The following VPS13A variants were observed in gnomAD, a reference collection of about 807,000 sequenced individuals.
The protein encoded by VPS13A is intermembrane lipid transfer protein VPS13A.
VPS13A carries 264 observed loss-of-function variants against 390.9 expected under a neutral mutation model. The observed-to-expected ratio is 0.68, with a 90% CI of 0.61 to 0.75. The LOEUF is 0.75. Among genes scored for constraint, VPS13A ranks in the 30% least tolerant of loss-of-function variants. The probability of loss-of-function intolerance (pLI) is 0.00; values close to 1 mark genes in which losing one functional copy is unlikely to be tolerated. For synonymous variants in VPS13A, 1,231 were observed against 1,227.1 expected (o/e 1.00, Z -0.07); for missense variants, 3,409 against 3,733.9 (o/e 0.91, Z 2.27).
intron 23 of VPS13A, among the ~76,000 whole-genome samples, chr9:77,267,412 C>G (rs1404580618): frequency 6.6e-6 from 1 of 152,194 alleles, no homozygotes; most frequent in Non-Finnish European, 1.5e-5. Context: ...TTCCTTCTAA[C>G]AGTCAGACCC....
intron 56 of VPS13A, among the ~76,000 whole-genome samples, chr9:77,358,153 AC>A (rs1430315002): frequency 6.6e-6 from 1 of 151,558 alleles, no homozygotes; most frequent in Admixed American, 6.6e-5. Context: ...ACGGGGTTTC[AC>A]CATGTGGGCC....
At chr9:77,347,214 C>A (rs879247408) in intron 52 of VPS13A, among the ~76,000 whole-genome samples, 1 of 151,888 alleles carries the variant, frequency 6.6e-6, no homozygotes, top group African/African-American at 2.4e-5. Flanking sequence ...TTTTCTAGTT[C>A]TGTGAAGAAT....
At chr9:77,359,982 C>T (rs975661269) in intron 58 of VPS13A, among the ~76,000 whole-genome samples, 1 of 151,894 alleles carries the variant, frequency 6.6e-6, no homozygotes, top group Non-Finnish European at 1.5e-5. Flanking sequence ...ATAATATTTT[C>T]GTCTTCACTC....
rs1281947232 is a variant in VPS13A, at chr9:77,352,870, A to T, written c.7420-539A>T. Reference sequence around the variant, plus strand: ...TTAATGGCTGAATATTAATTATGAGAATTTGCTATGTTTATCTTGTCATTG... The same window carrying T: ...TTAATGGCTGAATATTAATTATGAGTATTTGCTATGTTTATCTTGTCATTG... On this transcript the variant is annotated intron_variant, in intron 53 of 71. Transcript: ENST00000360280. Among the ~76,000 whole-genome samples the T allele has an allele frequency of 3.3e-5, 5 of 152,216 alleles. No individual in the cohort carries two copies. The South Asian group carries it at 8.3e-4, about 25-fold the overall frequency.
intron 48 of VPS13A, 81 bp from the exon 49 acceptor site, chr9:77,340,097 G>A (rs1830733443): frequency 7.0e-7 from 1 of 1,422,688 alleles, no homozygotes; most frequent in Non-Finnish European, 9.9e-7. Context: ...TTTTGTTTAT[G>A]CTAAAAAGTA....
At chr9:77,385,493 A>G (rs750702487) in intron 68 of VPS13A, among the ~76,000 whole-genome samples, 8 of 152,012 alleles carry the variant, frequency 5.3e-5, no homozygotes, top group Non-Finnish European at 1.2e-4. Context: ...ACATAACTAT[A>G]TATATTTTTT....
chr9:77,406,028 AAAT>A (rs1269967497), intron 70 of VPS13A, 41 bp downstream of exon 70: 8 of 1,610,312 alleles, frequency 5.0e-6, no homozygotes, highest in African/African-American at 1.3e-5. Flanking sequence ...TTGGAACTGA[AAAT>A]AATGCTTTGA....
intron 34 of VPS13A, among the ~76,000 whole-genome samples, chr9:77,304,973 C>T (rs1355877411): frequency 6.7e-6 from 1 of 148,568 alleles, no homozygotes; most frequent in Non-Finnish European, 1.5e-5. Context: ...GAGTCTCGCT[C>T]TGTTGCCCAG....
intron 19 of VPS13A, among the ~76,000 whole-genome samples, chr9:77,242,509 C>A (rs1824560460): frequency 6.6e-6 from 1 of 151,920 alleles, no homozygotes; most frequent in South Asian, 2.1e-4. Context: ...TACATGAATA[C>A]CTTACCTCTA....
At position 77,340,188 on chromosome 9, in the gene VPS13A, T is replaced by C. The variant is rs763311249; in HGVS notation, c.6785T>C (p.Met2262Thr). 1.1e-5 allele frequency: 18 copies of C among 1,613,180 alleles called. No homozygotes were observed. The highest frequency in any genetic ancestry group is 6.6e-5 in the South Asian group (6 of 91,032). The change falls in exon 49 of 72, where the codon ATG (methionine) becomes ACG (threonine). Residue 2262 changes from methionine to threonine, a missense_variant. Physicochemically the swap from Met to Thr is moderately conservative, Grantham distance 81 (BLOSUM62 -1). Coordinates refer to ENST00000360280, the MANE Select transcript of VPS13A (RefSeq NM_033305.3). The stretch of plus-strand genomic sequence containing the variant: ...ATATTTTTTTCCTAGGTTCAACTTA[T>C]GGTAACTGATAGTGAGTTGTCCAAT... ...HFFNNNKVQL[M>T]VTDSELSNQF...
chr9:77,227,701 T>G (rs1215569605), intron 16 of VPS13A, among the ~76,000 whole-genome samples: 5 of 147,222 alleles, frequency 3.4e-5, no homozygotes, highest in African/African-American at 1.0e-4. Flanking sequence ...GTTTTTTTTT[T>G]GTTTTTTTTT....
intron 33 of VPS13A, among the ~76,000 whole-genome samples, chr9:77,300,225 T>C (rs11145381): frequency 0.2 from 29,867 of 152,154 alleles, 3,782 homozygotes; most frequent in East Asian, 0.4. Context: ...ATCTGCCTTT[T>C]GTTAGAAATT....
intron 67 of VPS13A, among the ~76,000 whole-genome samples, chr9:77,372,581 G>C (rs1027234631): frequency 1.2e-4 from 19 of 152,024 alleles, no homozygotes. Context: ...GCACAAGACA[G>C]GGATGCCCTC....
chr9:77,411,683 A>AAAAAAAAAAAAAAAAAAAAC (rs1245680915), intron 71 of VPS13A, among the ~76,000 whole-genome samples: 1 of 145,908 alleles, frequency 6.9e-6, no homozygotes, highest in Non-Finnish European at 1.5e-5. Flanking sequence ...AAAAAAAAAA[A>AAAAAAAAAAAAAAAAAAAAC]AAGGAACTAG....
At chr9:77,246,823 G>C (rs1189794287) in intron 19 of VPS13A, among the ~76,000 whole-genome samples, 1 of 152,090 alleles carries the variant, frequency 6.6e-6, no homozygotes, top group African/African-American at 2.4e-5. Flanking sequence ...AAGATGATTT[G>C]ATAATCCAGG....
chr9:77,222,783 A>G (rs1173583690), intron 13 of VPS13A, among the ~76,000 whole-genome samples: 2 of 152,174 alleles, frequency 1.3e-5, no homozygotes, highest in Non-Finnish European at 2.9e-5. Flanking sequence ...ACAGCTGTTA[A>G]ATTAAGTTTA....
In VPS13A at chr9:77,252,205, C is replaced by T. The variant is rs376860330; in HGVS notation, c.2171-30C>T. On this transcript the variant is annotated intron_variant, in intron 21 of 71. Transcript: ENST00000360280. Reference sequence around the variant, plus strand: ...TTTTAGGTTTTGTGTGTTATAGTTACGTTAAATATGAACTATTTTCTGTAC... The same window carrying T: ...TTTTAGGTTTTGTGTGTTATAGTTATGTTAAATATGAACTATTTTCTGTAC... 8.4e-5 allele frequency: 128 copies of T among 1,518,106 alleles called. No individual in the cohort carries two copies. The African/African-American group carries it at 1.3e-3, about 16-fold the overall frequency. 94.0% of individuals were successfully genotyped at this position (1,518,106 alleles called of 1,614,324 possible).
At chr9:77,290,813 A>G (rs753186431) in intron 31 of VPS13A, among the ~76,000 whole-genome samples, 7 of 152,090 alleles carry the variant, frequency 4.6e-5, no homozygotes, top group Non-Finnish European at 1.0e-4. Flanking sequence ...TTTCTCTGCT[A>G]TAATAATATT....
Position 77,281,823 on chromosome 9 carries a change from G to T in VPS13A, c.2905-44G>T, listed in dbSNP as rs756357186. 8.4e-6 allele frequency: 11 copies of T among 1,312,818 alleles called. No individual in the cohort carries two copies. The South Asian group carries it at 1.3e-4, about 16-fold the overall frequency. 81.3% of individuals were successfully genotyped at this position (1,312,818 alleles called of 1,614,324 possible). A position where few individuals can be genotyped will look rare whatever the true frequency, so the allele number is the denominator to read the frequency against. The stretch of plus-strand genomic sequence containing the variant: ...GACTATAATGTGATTGTATATGTAT[G>T]TCTTCCTAACGTGTTCTAACAGATT... On this transcript the variant is annotated intron_variant, in intron 27 of 71. Coordinates refer to ENST00000360280, the MANE Select transcript of VPS13A (RefSeq NM_033305.3).
Sources: gnomAD v4.1 joint callset for allele counts (sites outside exome capture counted in the v4.1 genomes callset) on GRCh38, gnomAD v4.1.1 for gene constraint, MANE v1.5 for transcripts, NCBI Gene and HGNC (gene_info 2026-07-23, HGNC 2026-07-21) for gene names.